TMEM63A: variants seen among roughly 807,000 people sequenced by gnomAD.
TMEM63A encodes the protein mechanosensitive cation channel TMEM63A.
A neutral mutation model predicts 100.6 loss-of-function variants in TMEM63A; 76 were observed. That is an observed-to-expected ratio of 0.76 (90% CI 0.63 to 0.91). The LOEUF is 0.91. TMEM63A is among the 40% of genes least tolerant of loss of function. TMEM63A has a pLI of 0.00. For synonymous variants in TMEM63A, 401 were observed against 401.1 expected, an observed-to-expected ratio of 1.00 and a Z score of 0.00; for missense variants, 876 against 1,008.8, an observed-to-expected ratio of 0.87 and a Z score of 1.78.
At position 225,874,312 on chromosome 1, in the gene TMEM63A, A is replaced by C. The variant is rs780415187; in HGVS notation, c.242T>G (p.Ile81Ser). The change falls in exon 4 of 25, where the codon ATT (isoleucine) becomes AGT (serine). Residue 81 changes from isoleucine to serine, a missense_variant. Physicochemically the swap from Ile to Ser is moderately radical, Grantham distance 142 (BLOSUM62 -2). Coordinates refer to ENST00000366835, the MANE Select transcript of TMEM63A (RefSeq NM_014698.3). The part of the protein sequence containing the change: ...IRRRFWDYGR[I>S]ALVSEADSES... ...CCTGTCTGCTTCTGACACCAGGGCA[A>C]TGCGGCCATAGTCCCAGAATCTTCT... 1 of 1,614,140 alleles carries C rather than the reference A, an allele frequency of 6.2e-7. No individual in the cohort carries two copies. Among genetic ancestry groups the C allele is most frequent in the South Asian group, 1.1e-5 (1 of 91,054 alleles).
chr1:225,879,632 G>A (rs577420463), intron 1 of TMEM63A, among the ~76,000 whole-genome samples: 4 of 152,124 alleles, frequency 2.6e-5, no homozygotes, highest in South Asian at 4.1e-4. Context: ...CTCCTTCCTC[G>A]GCCAGCACCA....
intron 23 of TMEM63A, 102 bp downstream of exon 23, chr1:225,848,390 C>T: frequency 1.6e-6 from 2 of 1,260,984 alleles, no homozygotes; most frequent in Admixed American, 2.2e-5. Context: ...GTGATCTTAG[C>T]AAGAGATGAT....
At chr1:225,866,718 C>G in intron 8 of TMEM63A, 36 bp from the exon 9 acceptor site, 2 of 1,601,302 alleles carry the variant, frequency 1.2e-6, no homozygotes, top group East Asian at 2.2e-5. Context: ...GGGCTGGGAT[C>G]CCAGGCAGGG....
chr1:225,848,578 C>T (rs376048291), intron 22 of TMEM63A, 24 bp from the exon 23 acceptor site: 4 of 1,613,028 alleles, frequency 2.5e-6, no homozygotes, highest in East Asian at 2.2e-5. Flanking sequence ...CAAAAACTTG[C>T]GATGATAAAC....
rs780306268 is a variant in TMEM63A at position 225,871,072 on chromosome 1, TCA to T, written c.371+2_371+3del. On this transcript the variant is annotated splice_donor_variant and splice_donor_region_variant and intron_variant, in intron 6 of 24. Coordinates refer to ENST00000366835, the MANE Select transcript of TMEM63A (RefSeq NM_014698.3). LOFTEE classifies it high-confidence loss of function. ...CCCCAGCAGCTGCCCCCGGGTGTAC[TCA>T]CTGCAGACGGAAGATGGCAGTCAGC... is the stretch of plus-strand genomic sequence containing the variant. The T allele has an allele frequency of 1.4e-5, 22 of 1,614,004 alleles. No homozygotes were observed. Among genetic ancestry groups the T allele is most frequent in the Middle Eastern group, 1.7e-4 (1 of 6,060 alleles).
chr1:225,872,443 C>T (rs143348654), intron 4 of TMEM63A, among the ~76,000 whole-genome samples: 8 of 152,160 alleles, frequency 5.3e-5, no homozygotes, highest in East Asian at 3.9e-4. Flanking sequence ...GTAATTTGCA[C>T]AATTATTTTA....
At chr1:225,879,800 G>C (rs1202168345) in intron 1 of TMEM63A, among the ~76,000 whole-genome samples, 1 of 152,244 alleles carries the variant, frequency 6.6e-6, no homozygotes, top group Admixed American at 6.5e-5. Context: ...TGCTACTGGG[G>C]AGGCTCCCCA....
Position 225,847,248 on chromosome 1 carries a change from G to A in TMEM63A, c.2251-35C>T, listed in dbSNP as rs368480062. 6 of 1,600,458 alleles carry A rather than the reference G, an allele frequency of 3.7e-6. No individual in the cohort carries two copies. In the Admixed American group the frequency reaches 8.4e-5, roughly 22 times the overall value. On this transcript the variant is annotated intron_variant, in intron 23 of 24. Transcript: ENST00000366835. ...AATGGATTTGTGCTTGGCCTGGACA[G>A]GCATGAGCTTCCACACTGCATCCCT...
intron 6 of TMEM63A, among the ~76,000 whole-genome samples, chr1:225,869,977 G>A (rs1187573717): frequency 3.9e-5 from 6 of 151,974 alleles, no homozygotes; most frequent in Non-Finnish European, 5.9e-5. Flanking sequence ...CAACTCCTCT[G>A]AAATGAGGTG....
intron 3 of TMEM63A, among the ~76,000 whole-genome samples, chr1:225,877,096 C>T (rs1355200388): frequency 2.0e-5 from 3 of 152,160 alleles, no homozygotes; most frequent in African/African-American, 4.8e-5. Context: ...CTTAAAGATA[C>T]GACAGGCTGA....
chr1:225,846,929 A>T lies in TMEM63A; in HGVS notation c.*10T>A. The T allele has an allele frequency of 1.5e-6, 2 of 1,313,654 alleles. No individual in the cohort carries two copies. The highest frequency in any genetic ancestry group is 2.0e-6 in the Non-Finnish European group (2 of 984,920). 81.4% of individuals were successfully genotyped at this position (1,313,654 alleles called of 1,614,324 possible). ...CTGGTTGTGTCTTTTCAGAGCAGTGAGACCTAAAACAGATGGGAAGAAGTC... is the reference window on the plus strand; with the variant it reads ...CTGGTTGTGTCTTTTCAGAGCAGTGTGACCTAAAACAGATGGGAAGAAGTC... On this transcript the variant is annotated 3_prime_UTR_variant, in exon 25 of 25. Coordinates refer to ENST00000366835, the MANE Select transcript of TMEM63A (RefSeq NM_014698.3).
downstream of TMEM63A, chr1:225,845,423 T>G: frequency 6.8e-7 from 1 of 1,472,014 alleles, no homozygotes. Context: ...ATACCCCTTT[T>G]CTGAGGAATG....
chr1:225,862,488 C>G lies in TMEM63A; in HGVS notation c.918G>C (p.Gln306His). ...AGCCCAGCACTTCACAGCAGCAAAA[C>G]TGGCCACAGGGCTTGGGGTTGATGA... Reference protein sequence around the residue: ...RTLINPKPCGQFCCCEVLGCE... With the variant: ...RTLINPKPCGHFCCCEVLGCE... The change falls in exon 12 of 25, where the codon CAG becomes CAC. Residue 306 changes from glutamine (Q) to histidine (H), a missense_variant. By Grantham distance (24) the Gln-to-His change is conservative. Transcript: ENST00000366835. This position sits in a 1 kb window ranked among gnomAD's most constrained non-coding sequence, Gnocchi z 5.1. The G allele has an allele frequency of 6.2e-7, 1 of 1,614,190 alleles. No homozygotes were observed.
Position 225,855,946 on chromosome 1 carries a change from A to G in TMEM63A, c.1572-6T>C, listed in dbSNP as rs774140521. 7 of 1,613,904 alleles carry G rather than the reference A, an allele frequency of 4.3e-6. No individual in the cohort carries two copies. Among genetic ancestry groups the G allele is most frequent in the Non-Finnish European group, 5.9e-6 (7 of 1,179,902 alleles). ...ACCGGAAGAAAAAATCTAGACTGAA[A>G]AACAAAGGAACCCCCTAAGAGTTTA... On this transcript the variant is annotated splice_polypyrimidine_tract_variant and splice_region_variant and intron_variant, in intron 17 of 24. Coordinates refer to ENST00000366835, the MANE Select transcript of TMEM63A (RefSeq NM_014698.3).
At position 225,847,063 on chromosome 1, in the gene TMEM63A, C is replaced by T; in HGVS notation, c.2401G>A (p.Ala801Thr). 6.2e-7 allele frequency: 1 copy of T among 1,612,440 alleles called. No homozygotes were observed. Among genetic ancestry groups the T allele is most frequent in the East Asian group, 2.2e-5 (1 of 44,874 alleles). ...CCTCAGGCCTCCTGGGGGGCAGCAG[C>T]CACACTGCCCGTGGCGCTCTGCGCC... ...CLAQSATGSV[A>T]AAPQEA Residue 801 changes from alanine (A) to threonine (T), a missense_variant, in exon 24 of 25, where the codon GCT (alanine) becomes ACT (threonine). By Grantham distance (58) the Ala-to-Thr change is moderately conservative. Around this residue, in one of 5 missense-constraint regions of TMEM63A, gnomAD observed 339 missense variants for 342.3 expected, o/e 0.99. Transcript: ENST00000366835.
intron 3 of TMEM63A, among the ~76,000 whole-genome samples, chr1:225,874,908 T>C (rs1456481980): frequency 1.3e-5 from 2 of 152,196 alleles, no homozygotes; most frequent in Admixed American, 1.3e-4. Flanking sequence ...CTAATTTTTG[T>C]ATTTTAGTAG....
Position 225,846,891 on chromosome 1 carries a change from G to T in TMEM63A, c.*48C>A. 1 of 1,028,378 alleles carries T rather than the reference G, an allele frequency of 9.7e-7. No homozygotes were observed. Among genetic ancestry groups the T allele is most frequent in the Non-Finnish European group, 1.4e-6 (1 of 735,854 alleles). 63.7% of individuals were successfully genotyped at this position (1,028,378 alleles called of 1,614,324 possible). A position where few individuals can be genotyped will look rare whatever the true frequency, so the allele number is the denominator to read the frequency against. ...CATTCCCACTCAGCCAAGGGCCTGA[G>T]CCCCAGGCCATTCTGGTTGTGTCTT... On this transcript the variant is annotated 3_prime_UTR_variant, in exon 25 of 25. Coordinates refer to ENST00000366835, the MANE Select transcript of TMEM63A (RefSeq NM_014698.3).
Position 225,865,651 on chromosome 1 carries a change from G to A in TMEM63A, c.746+246C>T. 1 of 515,434 alleles carries A rather than the reference G, an allele frequency of 1.9e-6. No individual in the cohort carries two copies. The highest frequency in any genetic ancestry group is 3.5e-6 in the Non-Finnish European group (1 of 282,202). The allele number at this position is 515,434 out of a possible 1,614,324, so 31.9% of individuals were successfully genotyped here. A position where few individuals can be genotyped will look rare whatever the true frequency, so the allele number is the denominator to read the frequency against. ...GCACCTACACCCTGGTCTGTGCTCT[G>A]GACACTGTGCACAGGCTGCTTGAAG... On this transcript the variant is annotated intron_variant, in intron 10 of 24. Transcript: ENST00000366835. This position sits in a 1 kb window ranked among gnomAD's most constrained non-coding sequence, Gnocchi z 4.6.
chr1:225,854,959 G>A (rs1276359838), intron 18 of TMEM63A, among the ~76,000 whole-genome samples: 2 of 152,188 alleles, frequency 1.3e-5, no homozygotes, highest in Non-Finnish European at 2.9e-5. Flanking sequence ...GTCAGATGTC[G>A]CTGATAGATC....
Sources: allele counts gnomAD v4.1 joint callset (sites outside exome capture counted in the v4.1 genomes callset), GRCh38; gene constraint gnomAD v4.1.1; regional missense constraint gnomAD v4.1.1; non-coding constraint Gnocchi (gnomAD v3.1); transcripts MANE v1.5; gene names NCBI Gene and HGNC (gene_info 2026-07-23, HGNC 2026-07-21).